ST7: variants seen among roughly 807,000 people sequenced by gnomAD.
ST7 encodes suppression of tumorigenicity 7, also known as suppressor of tumorigenicity 7 protein.
Under a neutral mutation model 78.7 loss-of-function variants are expected in ST7, and 28 were observed. The ratio of observed to expected loss-of-function variants is 0.36; its 90% CI spans 0.26 to 0.49. The LOEUF (loss-of-function observed/expected upper bound fraction) is 0.49. ST7 is among the 20% of genes least tolerant of loss of function. The pLI is 0.99. For missense variants in ST7, 418 were observed against 696.0 expected (o/e 0.60, Z 4.49); for synonymous variants, 247 against 249.6 (o/e 0.99, Z 0.10).
intron 1 of ST7, chr7:116,967,333 T>C: frequency 4.2e-6 from 2 of 471,162 alleles, no homozygotes; most frequent in Non-Finnish European, 4.4e-6. Context: ...TGCCTTTGAG[T>C]GCTCCACTTG....
Position 117,190,937 on chromosome 7 carries a change from G to C in ST7, c.1254+1G>C. 1 of 1,612,068 alleles carries C rather than the reference G, an allele frequency of 6.2e-7. No homozygotes were observed. The highest frequency in any genetic ancestry group is 2.2e-5 in the East Asian group (1 of 44,864). ...GGAATTCAATCCTCATGTGCCAAAA[G>C]TGAGTCTGTGGAATCCCCACAGGAA... is the stretch of plus-strand genomic sequence containing the variant. On this transcript the variant is annotated splice_donor_variant, in intron 12 of 15. Transcript: ENST00000323984. LOFTEE classifies it high-confidence loss of function. The surrounding 1 kb of genome is among the most constrained non-coding windows in gnomAD (Gnocchi z 5.2).
At chr7:117,133,854 C>T (rs1199958347) in intron 6 of ST7, among the ~76,000 whole-genome samples, 1 of 151,690 alleles carries the variant, frequency 6.6e-6, no homozygotes, top group African/African-American at 2.4e-5. Flanking sequence ...TCTGTGAAGC[C>T]GTGTTGGTTA....
At chr7:117,143,988 G>A (rs1805544914) in intron 9 of ST7, among the ~76,000 whole-genome samples, 1 of 152,130 alleles carries the variant, frequency 6.6e-6, no homozygotes, top group Admixed American at 6.5e-5. Context: ...ACCTTCGTGT[G>A]CGTTTACCTG....
At chr7:117,026,050 T>C (rs550823041) in intron 1 of ST7, among the ~76,000 whole-genome samples, 1 of 152,222 alleles carries the variant, frequency 6.6e-6, no homozygotes, top group Non-Finnish European at 1.5e-5. Context: ...ATTGTCACAA[T>C]GGACCAGATT....
intron 9 of ST7, among the ~76,000 whole-genome samples, chr7:117,150,069 C>T (rs1236411109): frequency 6.6e-6 from 1 of 152,174 alleles, no homozygotes; most frequent in African/African-American, 2.4e-5. Context: ...TCCAGACTGT[C>T]ACCTTAATTA....
chr7:117,092,817 A>G (rs1800734563), intron 1 of ST7, among the ~76,000 whole-genome samples: 1 of 152,228 alleles, frequency 6.6e-6, no homozygotes, highest in Admixed American at 6.5e-5. Context: ...GCTTTGCATG[A>G]AATTGACAAT....
intron 1 of ST7, among the ~76,000 whole-genome samples, chr7:117,058,610 A>G (rs1028176679): frequency 1.3e-5 from 2 of 152,216 alleles, no homozygotes; most frequent in African/African-American, 4.8e-5. Context: ...TCCTATTTTC[A>G]TATCCATCCT....
Position 117,204,852 on chromosome 7 carries a change from A to G in ST7, c.1255-4935A>G, listed in dbSNP as rs572127289. 1.6e-4 allele frequency among the ~76,000 whole-genome samples: 25 copies of G among 152,338 alleles called. No individual in the cohort carries two copies. The South Asian group carries it at 5.0e-3, about 30-fold the overall frequency. On this transcript the variant is annotated intron_variant, in intron 12 of 15. Coordinates refer to ENST00000323984, the MANE Select transcript of ST7 (RefSeq NM_001369598.1). Reference sequence around the variant, plus strand: ...GTCTGTTTTTGATGCAAGTCTAGAAAATAGATTTGTATTACATATATACTT... The same window carrying G: ...GTCTGTTTTTGATGCAAGTCTAGAAGATAGATTTGTATTACATATATACTT...
At chr7:117,088,768 C>T (rs1009595498) in intron 1 of ST7, among the ~76,000 whole-genome samples, 1 of 152,108 alleles carries the variant, frequency 6.6e-6, no homozygotes, top group Middle Eastern at 3.2e-3. Flanking sequence ...TGTGAAGAGC[C>T]CTTTGGAGTA....
chr7:117,219,950 C>G lies in ST7; in HGVS notation c.1498+774C>G, dbSNP rs1320678658. 6.6e-6 allele frequency among the ~76,000 whole-genome samples: 1 copy of G among 152,204 alleles called. No individual in the cohort carries two copies. Among genetic ancestry groups the G allele is most frequent in the Non-Finnish European group, 1.5e-5 (1 of 68,034 alleles). On this transcript the variant is annotated intron_variant, in intron 14 of 15. Coordinates refer to ENST00000323984, the MANE Select transcript of ST7 (RefSeq NM_001369598.1). The surrounding 1 kb of genome is among the most constrained non-coding windows in gnomAD (Gnocchi z 5.1). ...TGTACAAGGATCATGTCAGGCTCTT[C>G]ATGTGGCCCAGACTTAGGATATATT...
chr7:117,136,515 C>G (rs913204332), intron 8 of ST7: 1 of 560,750 alleles, frequency 1.8e-6, no homozygotes, highest in Non-Finnish European at 3.1e-6. Context: ...TTTTTTCCTC[C>G]TGAGTTCTTA....
chr7:117,149,251 A>G (rs1806052348), intron 9 of ST7, among the ~76,000 whole-genome samples: 1 of 152,168 alleles, frequency 6.6e-6, no homozygotes, highest in Non-Finnish European at 1.5e-5. Flanking sequence ...AGGCTCTAGT[A>G]GGACATCTTT....
At chr7:117,076,483 T>A (rs1799347601) in intron 1 of ST7, 1 of 152,256 alleles carries the variant, frequency 6.6e-6, no homozygotes, top group Non-Finnish European at 1.5e-5. Flanking sequence ...ACAGGTGCCT[T>A]GTTTACTCAG....
At chr7:117,105,661 A>G (rs1484386439) in intron 2 of ST7, among the ~76,000 whole-genome samples, 3 of 152,260 alleles carry the variant, frequency 2.0e-5, no homozygotes, top group Admixed American at 6.5e-5. Flanking sequence ...TAGGGTGACT[A>G]TAGTTAACAA....
chr7:117,023,045 T>C (rs182921539), intron 1 of ST7: 3 of 152,308 alleles, frequency 2.0e-5, no homozygotes, highest in Non-Finnish European at 4.4e-5. Context: ...ATGTTGTAAG[T>C]GGCTCTTTTA....
intron 10 of ST7, among the ~76,000 whole-genome samples, chr7:117,178,775 A>G (rs765820821): frequency 3.9e-5 from 6 of 152,204 alleles, no homozygotes; most frequent in Non-Finnish European, 8.8e-5. Context: ...GTTTTGCACC[A>G]TAAGTTTTCC....
intron 3 of ST7, chr7:117,128,370 A>G (rs1804044290): frequency 6.6e-6 from 1 of 151,824 alleles, no homozygotes; most frequent in African/African-American, 2.4e-5. Context: ...TAATTACAGG[A>G]AGCATAATTT....
At chr7:117,206,062 C>G (rs1286716583) in intron 12 of ST7, among the ~76,000 whole-genome samples, 2 of 152,182 alleles carry the variant, frequency 1.3e-5, no homozygotes, top group Non-Finnish European at 2.9e-5. Flanking sequence ...ACTGATCTTG[C>G]CAGCCATTTT....
At chr7:117,002,218 ACT>A (rs1185527837) in intron 1 of ST7, among the ~76,000 whole-genome samples, 2 of 152,064 alleles carry the variant, frequency 1.3e-5, no homozygotes, top group African/African-American at 2.4e-5. Context: ...ACAGAGCAAG[ACT>A]CTGTCTCAAA....
Sources: gnomAD v4.1 joint callset for allele counts (sites outside exome capture counted in the v4.1 genomes callset) on GRCh38, gnomAD v4.1.1 for gene constraint, Gnocchi (gnomAD v3.1) non-coding constraint, MANE v1.5 for transcripts, NCBI Gene and HGNC (gene_info 2026-07-23, HGNC 2026-07-21) for gene names.